SNX25: variants seen among roughly 807,000 people sequenced by gnomAD.
SNX25 encodes sorting nexin-25.
SNX25 carries 62 observed loss-of-function variants against 113.7 expected under a neutral mutation model. The observed-to-expected ratio is 0.55, with a 90% CI of 0.44 to 0.67. The LOEUF is 0.67. Ranked by LOEUF, SNX25 falls within the 30% of genes least tolerant of loss-of-function variation. SNX25 has a pLI of 0.00. For missense variants in SNX25, 1,014 were observed against 1,161.0 expected (o/e 0.87, Z 1.84); for synonymous variants, 421 against 436.2 (o/e 0.97, Z 0.43).
In SNX25 at chr4:185,216,873, G is replaced by A. The variant is rs547629896; in HGVS notation, c.429+6618G>A. ...AAATCATCTAAAGGAAGCAATATGT[G>A]TTCTTCTAAGTTTTAAAAACCAACA... On this transcript the variant is annotated intron_variant, in intron 1 of 18. Coordinates refer to ENST00000652585, the MANE Select transcript of SNX25 (RefSeq NM_001378034.2). 1.7e-4 allele frequency among the ~76,000 whole-genome samples: 26 copies of A among 152,088 alleles called. 1 individual carries two copies. The highest frequency in any genetic ancestry group is 1.6e-3 in the Admixed American group (24 of 15,268).
chr4:185,312,885 T>C (rs1174953203), intron 7 of SNX25, among the ~76,000 whole-genome samples: 1 of 152,208 alleles, frequency 6.6e-6, no homozygotes, highest in Non-Finnish European at 1.5e-5. Context: ...CAATAATTCA[T>C]CCTCAGAGTA....
At chr4:185,370,665 G>A, downstream of SNX25, 1 of 1,613,998 alleles carries the variant, frequency 6.2e-7, no homozygotes. Flanking sequence ...TTTAGCGGTT[G>A]TTTCATCCCT....
chr4:185,264,373 C>G, intron 3 of SNX25, 65 bp from the exon 4 acceptor site: 1 of 1,429,966 alleles, frequency 7.0e-7, no homozygotes, highest in African/African-American at 1.4e-5. Context: ...TATTTTTTAC[C>G]TAATAGTACA....
chr4:185,351,604 C>T lies in SNX25; in HGVS notation c.2461C>T (p.Gln821Ter). 6.2e-7 allele frequency: 1 copy of T among 1,613,786 alleles called. No individual in the cohort carries two copies. Residue 821 changes from glutamine to a stop codon, truncating the protein, a stop_gained, in exon 14 of 19, where the codon CAG (glutamine) becomes TAG (stop). Transcript: ENST00000652585. LOFTEE classifies it high-confidence loss of function. The stretch of plus-strand genomic sequence containing the variant: ...ACTTCCTCGCGACTTCTTCTCCCAC[C>T]AGGAGGTGAGCCGTTGAAAGAGTGA... ...ERLPRDFFSH[Q>*]EEETEEDSDL...
chr4:185,273,208 G>GT (rs1317237603), intron 5 of SNX25, among the ~76,000 whole-genome samples: 1 of 152,136 alleles, frequency 6.6e-6, no homozygotes, highest in Non-Finnish European at 1.5e-5. Flanking sequence ...AAGTATAGCA[G>GT]TTTTTTCCCC....
In SNX25 at chr4:185,346,594, T is replaced by G. The variant is rs148782130; in HGVS notation, c.2245T>G (p.Ser749Ala). ...LPSLSKLPFK[S>A]IDQKFMEKSK... ...TTCTCTTAGCAAGCTGCCTTTCAAA[T>G]CTATAGATCAAAAGTTTATGGAAAA... Residue 749 changes from serine (S) to alanine (A), a missense_variant, in exon 13 of 19, where the codon TCT becomes GCT. Coordinates refer to ENST00000652585, the MANE Select transcript of SNX25 (RefSeq NM_001378034.2). The G allele has an allele frequency of 1.9e-6, 3 of 1,596,224 alleles. No homozygotes were observed. Among genetic ancestry groups the G allele is most frequent in the Non-Finnish European group, 2.6e-6 (3 of 1,175,310 alleles).
At chr4:185,242,140 C>T (rs1270276027) in intron 1 of SNX25, among the ~76,000 whole-genome samples, 1 of 152,092 alleles carries the variant, frequency 6.6e-6, no homozygotes, top group Non-Finnish European at 1.5e-5. Flanking sequence ...ATATTAAATC[C>T]GTAAAAAGGA....
At chr4:185,255,425 C>T (rs563008882) in intron 2 of SNX25, among the ~76,000 whole-genome samples, 2 of 152,268 alleles carry the variant, frequency 1.3e-5, no homozygotes, top group East Asian at 3.9e-4. Flanking sequence ...TAAGCCACCA[C>T]ACCCAGCCCG....
intron 1 of SNX25, among the ~76,000 whole-genome samples, chr4:185,214,178 A>G (rs1469805710): frequency 2.6e-5 from 4 of 152,094 alleles, no homozygotes; most frequent in African/African-American, 7.2e-5. Flanking sequence ...CCCAGCCCTT[A>G]GAGACTTCTT....
At chr4:185,213,213 A>G (rs1465070010) in intron 1 of SNX25, among the ~76,000 whole-genome samples, 1 of 152,204 alleles carries the variant, frequency 6.6e-6, no homozygotes. Flanking sequence ...ATGGTGAAGA[A>G]CGTTATGTCC....
intron 5 of SNX25, among the ~76,000 whole-genome samples, chr4:185,270,185 C>G (rs1243520165): frequency 6.6e-6 from 1 of 152,020 alleles, no homozygotes; most frequent in Non-Finnish European, 1.5e-5. Flanking sequence ...AACCCCGTCT[C>G]TACAATAAAA....
At position 185,243,586 on chromosome 4, in the gene SNX25, A is replaced by C. The variant is rs192729534; in HGVS notation, c.430-3708A>C. Among the ~76,000 whole-genome samples the C allele has an allele frequency of 2.6e-5, 4 of 152,322 alleles. No individual in the cohort carries two copies. In the East Asian group the frequency reaches 7.7e-4, roughly 29 times the overall value. On this transcript the variant is annotated intron_variant, in intron 1 of 18. Transcript: ENST00000652585. Reference sequence around the variant, plus strand: ...CACTGTACTCCAGCCTGGGTGGCACAGTGAGACCCTATCAAAAAACAAAAA... The same window carrying C: ...CACTGTACTCCAGCCTGGGTGGCACCGTGAGACCCTATCAAAAAACAAAAA...
chr4:185,366,702 C>T (rs1419400776), downstream of SNX25: 2 of 152,012 alleles, frequency 1.3e-5, no homozygotes, highest in Admixed American at 1.3e-4. Context: ...TTTTAAATGA[C>T]TGAAAATTTA....
chr4:185,377,728 A>C, the SNX25 span: 1 of 183,274 alleles, frequency 5.5e-6, no homozygotes, highest in African/African-American at 2.4e-5. Context: ...ACCCATCCCT[A>C]ATATAACATT....
At chr4:185,230,360 A>G (rs1453570774) in intron 1 of SNX25, among the ~76,000 whole-genome samples, 1 of 151,716 alleles carries the variant, frequency 6.6e-6, no homozygotes, top group Non-Finnish European at 1.5e-5. Flanking sequence ...TTTCCTAATA[A>G]TAACACACTT....
downstream of SNX25, among the ~76,000 whole-genome samples, chr4:185,368,919 G>A (rs916669712): frequency 3.3e-5 from 5 of 150,118 alleles, no homozygotes; most frequent in African/African-American, 9.8e-5. Context: ...TCAGCCTCCC[G>A]AGTAGCTGGG....
At chr4:185,292,025 A>T (rs997083641) in intron 6 of SNX25, among the ~76,000 whole-genome samples, 1 of 152,188 alleles carries the variant, frequency 6.6e-6, no homozygotes, top group Non-Finnish European at 1.5e-5. Flanking sequence ...TTCTGACCAC[A>T]TTAAGATTTT....
chr4:185,375,480 A>ATAT, the SNX25 span: 1 of 51,864 alleles, frequency 1.9e-5, no homozygotes, highest in South Asian at 9.0e-4. Flanking sequence ...AAAAAAAAAA[A>ATAT]AAAAAAAATA....
chr4:185,319,509 C>T (rs1247713095), intron 7 of SNX25, among the ~76,000 whole-genome samples: 59 of 124,220 alleles, frequency 4.7e-4, no homozygotes, highest in African/African-American at 1.6e-3. Flanking sequence ...TGGGAAAGTC[C>T]ATTCTTTTTT....
Sources: gnomAD v4.1 joint callset for allele counts (sites outside exome capture counted in the v4.1 genomes callset) on GRCh38, gnomAD v4.1.1 for gene constraint, MANE v1.5 for transcripts, NCBI Gene and HGNC (gene_info 2026-07-23, HGNC 2026-07-21) for gene names.